The following DHPS variants were observed in gnomAD, a reference collection of about 807,000 sequenced individuals.
DHPS encodes the protein deoxyhypusine synthase.
In DHPS, 24 loss-of-function variants were observed where a neutral mutation model predicts 38.7. That is an observed-to-expected ratio of 0.62 (90% CI 0.45 to 0.87). The LOEUF is 0.87. Among genes scored for constraint, DHPS ranks in the 40% least tolerant of loss-of-function variants. The probability of loss-of-function intolerance (pLI) is 0.00; values close to 1 mark genes in which losing one functional copy is unlikely to be tolerated. For missense variants in DHPS, 510 were observed against 497.6 expected (o/e 1.02, Z -0.24); for synonymous variants, 250 against 204.4 (o/e 1.22, Z -1.90).
intron 7 of DHPS, chr19:12,676,541 G>A (rs1568317433): frequency 4.6e-6 from 1 of 219,158 alleles, no homozygotes; most frequent in Non-Finnish European, 9.3e-6. Context: ...ATGGGAACCC[G>A]AGTCAAGTCC....
Position 12,679,627 on chromosome 19 carries a change from G to A in DHPS, c.587C>T (p.Thr196Ile), listed in dbSNP as rs1599383661. 3 of 1,614,146 alleles carry A rather than the reference G, an allele frequency of 1.9e-6. No individual in the cohort carries two copies. The East Asian group carries it at 6.7e-5, about 36-fold the overall frequency. The change falls in exon 4 of 9, where the codon ACA becomes ATA. Residue 196 changes from threonine to isoleucine, a missense_variant. Thr to Ile is a moderately conservative substitution (Grantham distance 89). Coordinates refer to ENST00000210060, the MANE Select transcript of DHPS (RefSeq NM_001930.4). The part of the protein sequence containing the change: ...ILDQMVMEQN[T>I]EGVKWTPSKM... ...TCCAGGTTGCCCCAGCCCCACCTCT[G>A]TGTTCTGCTCCATCACCATCTGGTC... is the stretch of plus-strand genomic sequence containing the variant.
At chr19:12,673,373 C>G, downstream of DHPS, 1 of 1,194,962 alleles carries the variant, frequency 8.4e-7, no homozygotes, top group Non-Finnish European at 1.2e-6. Flanking sequence ...TCAGCCCTGT[C>G]CTTACCTCAG....
chr19:12,677,482 G>A (rs751589042), intron 5 of DHPS, 86 bp from the exon 6 acceptor site: 1 of 1,135,968 alleles, frequency 8.8e-7, no homozygotes, highest in Non-Finnish European at 1.3e-6. Flanking sequence ...TGGATGGGGT[G>A]CCTAATTTCT....
intron 7 of DHPS, 85 bp from the exon 8 acceptor site, chr19:12,676,227 T>C: frequency 6.9e-7 from 1 of 1,459,614 alleles, no homozygotes; most frequent in South Asian, 1.3e-5. Flanking sequence ...CCAAACAGGC[T>C]GAGAGGTGTG....
intron 1 of DHPS, chr19:12,681,176 C>T: frequency 1.6e-6 from 2 of 1,251,834 alleles, no homozygotes; most frequent in Non-Finnish European, 2.0e-6. Context: ...CTTTCAGATC[C>T]GGTCCCTTCC....
In DHPS at chr19:12,679,838, G is replaced by A. The variant is rs746302965; in HGVS notation, c.457C>T (p.Leu153Phe). The change falls in exon 3 of 9, where the codon CTC becomes TTC. Residue 153 changes from leucine (L) to phenylalanine (F), a missense_variant. Coordinates refer to ENST00000210060, the MANE Select transcript of DHPS (RefSeq NM_001930.4). ...LAPTYLGEFS[L>F]RGKELRENGI... The stretch of plus-strand genomic sequence containing the variant: ...TTCTCCCGGAGCTCCTTCCCCCTGA[G>A]GCTAAACTCGCCCAAGTATGTGGGC... 6.2e-7 allele frequency: 1 copy of A among 1,614,152 alleles called. No individual in the cohort carries two copies. The highest frequency in any genetic ancestry group is 1.1e-5 in the South Asian group (1 of 91,082).
chr19:12,676,852 C>T (rs763525005), intron 7 of DHPS: 36 of 513,116 alleles, frequency 7.0e-5, no homozygotes, highest in Non-Finnish European at 1.1e-4. Context: ...TCCCAGCTCA[C>T]ACTTCCAGAA....
At chr19:12,678,950 G>A (rs1460707192) in intron 5 of DHPS, among the ~76,000 whole-genome samples, 4 of 151,732 alleles carry the variant, frequency 2.6e-5, no homozygotes, top group African/African-American at 7.3e-5. Context: ...TAGTCTGGGA[G>A]GAGCATAAGG....
intron 1 of DHPS, 186 bp downstream of exon 1, chr19:12,681,374 A>T: frequency 2.0e-6 from 2 of 979,488 alleles, no homozygotes; most frequent in South Asian, 3.4e-5. Flanking sequence ...TGTAACTACC[A>T]GAGTGCAAAA....
At chr19:12,673,409 T>TA, downstream of DHPS, 12 of 367,734 alleles carry the variant, frequency 3.3e-5, no homozygotes, top group East Asian at 1.3e-4. Context: ...AAGGCTAGGA[T>TA]CTTTTTTTTT....
Position 12,675,794 on chromosome 19 carries a change from A to G in DHPS, c.*44T>C. ...AGGGGAGGGGCTGGGTCTGCAAATT[A>G]ATAAATAGAAGAGGGGGTAAGACCT... On this transcript the variant is annotated 3_prime_UTR_variant, in exon 9 of 9. Transcript: ENST00000210060. 6.4e-7 allele frequency: 1 copy of G among 1,568,262 alleles called. No individual in the cohort carries two copies.
chr19:12,674,448 G>A (rs889667649), downstream of DHPS, among the ~76,000 whole-genome samples: 3 of 140,360 alleles, frequency 2.1e-5, no homozygotes, highest in African/African-American at 7.8e-5. Flanking sequence ...GGAGGGAACC[G>A]GGGGGGCCCT....
rs151125642 is a variant in DHPS, at chr19:12,679,805, T to G, written c.490A>C (p.Asn164His). The change falls in exon 3 of 9, where the codon AAT (asparagine) becomes CAT (histidine). Residue 164 changes from asparagine to histidine, a missense_variant. Physicochemically the swap from Asn to His is moderately conservative, Grantham distance 68. Transcript: ENST00000210060. ...RGKELRENGI[N>H]RIGNLLVPNE... ...AACACCACTCAGGGTTCTCACCTAT[T>G]GATCCCGTTCTCCCGGAGCTCCTTC... 3 of 1,614,140 alleles carry G rather than the reference T, an allele frequency of 1.9e-6. No individual in the cohort carries two copies. The highest frequency in any genetic ancestry group is 2.5e-6 in the Non-Finnish European group (3 of 1,179,996).
chr19:12,677,041 C>A, intron 7 of DHPS, 67 bp downstream of exon 7: 2 of 1,460,250 alleles, frequency 1.4e-6, no homozygotes, highest in South Asian at 1.2e-5. Flanking sequence ...GCTGTCTACC[C>A]AGCACATGGC....
In DHPS at chr19:12,676,158, G is replaced by A; in HGVS notation, c.889-16C>T. 1 of 1,595,074 alleles carries A rather than the reference G, an allele frequency of 6.3e-7. No homozygotes were observed. Among genetic ancestry groups the A allele is most frequent in the Non-Finnish European group, 8.5e-7 (1 of 1,172,664 alleles). ...CCCCGTTCCGCTGTGGGGAGGCGGG[G>A]GCACGGTGGGCCCAGTCAGCCAGTC... On this transcript the variant is annotated splice_polypyrimidine_tract_variant and intron_variant, in intron 7 of 8. Transcript: ENST00000210060.
downstream of DHPS, chr19:12,673,109 C>A: frequency 6.2e-7 from 1 of 1,612,646 alleles, no homozygotes; most frequent in Non-Finnish European, 8.5e-7. Flanking sequence ...AGGGGAGCTG[C>A]TGGGCGAGTG....
chr19:12,681,408 C>G (rs144066429), intron 1 of DHPS, 152 bp downstream of exon 1: 1 of 1,085,608 alleles, frequency 9.2e-7, no homozygotes, highest in African/African-American at 1.6e-5. Flanking sequence ...ACAGAAACTC[C>G]CGCCCAGAAT....
At chr19:12,675,122 CAGAAAA>C (rs2024535051), downstream of DHPS, among the ~76,000 whole-genome samples, 2 of 146,356 alleles carry the variant, frequency 1.4e-5, no homozygotes, top group African/African-American at 5.2e-5. Flanking sequence ...CAAAAAAAAA[CAGAAAA>C]AGAAAAAGAC....
rs369752930 is a variant in DHPS, at chr19:12,675,722, G to C, written c.*116C>G. ...CAAGGACCGAGACACAGACATGGAA[G>C]GACTTCAGATACCATCTTATTCTAG... On this transcript the variant is annotated 3_prime_UTR_variant, in exon 9 of 9. Transcript: ENST00000210060. The C allele has an allele frequency of 3.2e-5, 51 of 1,590,822 alleles. No homozygotes were observed. Among genetic ancestry groups the C allele is most frequent in the Non-Finnish European group, 4.2e-5 (49 of 1,172,398 alleles).
Sources: allele counts gnomAD v4.1 joint callset (sites outside exome capture counted in the v4.1 genomes callset), GRCh38; gene constraint gnomAD v4.1.1; transcripts MANE v1.5; gene names NCBI Gene and HGNC (gene_info 2026-07-23, HGNC 2026-07-21).